Variants in NUDT1 observed in about 807,000 individuals in gnomAD.
NUDT1 encodes oxidized purine nucleoside triphosphate hydrolase.
A neutral mutation model predicts 11.3 loss-of-function variants in NUDT1; 16 were observed. That is an observed-to-expected ratio of 1.41 (90% CI 0.96 to 2.15). The LOEUF (loss-of-function observed/expected upper bound fraction) is 2.15, where lower values mean the gene tolerates loss of function less well. NUDT1 is among the 30% of genes most tolerant of loss of function. NUDT1 has a pLI of 0.00. For synonymous variants in NUDT1, 101 were observed against 84.4 expected (o/e 1.20, Z -1.08); for missense variants, 234 against 208.4 (o/e 1.12, Z -0.76).
chr7:2,246,569 A>G (rs1390044388), intron 2 of NUDT1, among the ~76,000 whole-genome samples: 2 of 152,198 alleles, frequency 1.3e-5, no homozygotes, highest in African/African-American at 4.8e-5. Flanking sequence ...CCTGCTGGTG[A>G]CAAGCAAAGC....
chr7:2,249,587 G>A (rs1433592713), intron 2 of NUDT1: 3 of 515,560 alleles, frequency 5.8e-6, no homozygotes, highest in African/African-American at 3.8e-5. Context: ...GGCTAGAACT[G>A]CGTTCCTCCC....
At chr7:2,243,044 G>C (rs776214103) in intron 1 of NUDT1, 1 of 716,864 alleles carries the variant, frequency 1.4e-6, no homozygotes, top group South Asian at 1.5e-5. Context: ...AGTTGGAGTG[G>C]GAAGGTGATT....
At chr7:2,244,452 ACCCCCCCGCC>A (rs999243695) in intron 1 of NUDT1, 101 bp from the exon 2 acceptor site, 1 of 553,140 alleles carries the variant, frequency 1.8e-6, no homozygotes, top group Non-Finnish European at 3.2e-6. Context: ...GTTACAGCAT[ACCCCCCCGCC>A]CCCCACTGCC....
At chr7:2,243,149 G>C (rs567288234) in intron 1 of NUDT1, 1 of 608,252 alleles carries the variant, frequency 1.6e-6, no homozygotes, top group African/African-American at 1.8e-5. Flanking sequence ...GCTGGTGCCT[G>C]TTGGTGTGCT....
In NUDT1 at chr7:2,246,166, A is replaced by T. The variant is rs574232249; in HGVS notation, c.152+1440A>T. Among the ~76,000 whole-genome samples, 3 of 152,292 alleles carry T rather than the reference A, an allele frequency of 2.0e-5. No homozygotes were observed. The East Asian group carries it at 5.8e-4, about 29-fold the overall frequency. On this transcript the variant is annotated intron_variant, in intron 2 of 3. Coordinates refer to ENST00000356714, the MANE Select transcript of NUDT1 (RefSeq NM_002452.4). ...CCAGCCCTTTGTCTTTGATCTGCTA[A>T]GACTGCCCATCAGCTCATGGATTTC...
intron 2 of NUDT1, among the ~76,000 whole-genome samples, chr7:2,246,851 A>C (rs942563142): frequency 2.0e-5 from 3 of 152,118 alleles, no homozygotes; most frequent in African/African-American, 7.2e-5. Context: ...ACCTGACCTC[A>C]CGGGATCCAC....
At position 2,244,836 on chromosome 7, in the gene NUDT1, A is replaced by G. The variant is rs1283471762; in HGVS notation, c.152+110A>G. 11 of 1,343,352 alleles carry G rather than the reference A, an allele frequency of 8.2e-6. No homozygotes were observed. The African/African-American group carries it at 1.5e-4, about 18-fold the overall frequency. 83.2% of individuals were successfully genotyped at this position (1,343,352 alleles called of 1,614,324 possible). A position where few individuals can be genotyped will look rare whatever the true frequency, so the allele number is the denominator to read the frequency against. On this transcript the variant is annotated intron_variant, in intron 2 of 3. Coordinates refer to ENST00000356714, the MANE Select transcript of NUDT1 (RefSeq NM_002452.4). ...CACTAAGAGCTAAGTGACCTGGAGC[A>G]GGGGGTTAAGCGTGAGCCTCAGTGT...
At chr7:2,243,084 T>A (rs1008477022) in intron 1 of NUDT1, 1 of 709,288 alleles carries the variant, frequency 1.4e-6, no homozygotes, top group Non-Finnish European at 2.6e-6. Context: ...CTGAGCAGCC[T>A]GGGCTCTCCT....
At chr7:2,244,782 G>A (rs987470918) in intron 2 of NUDT1, 56 bp downstream of exon 2, 103 of 1,561,398 alleles carry the variant, frequency 6.6e-5, no homozygotes, top group Non-Finnish European at 8.5e-5. Context: ...ACAGGGATTC[G>A]GGCTGTAGGG....
chr7:2,249,279 C>G (rs974619819), intron 2 of NUDT1: 5 of 159,384 alleles, frequency 3.1e-5, no homozygotes, highest in Admixed American at 1.2e-4. Flanking sequence ...GGAAACAGAT[C>G]ATAGAAGCCT....
At chr7:2,247,066 G>C (rs1389454137) in intron 2 of NUDT1, among the ~76,000 whole-genome samples, 1 of 152,150 alleles carries the variant, frequency 6.6e-6, no homozygotes. Flanking sequence ...CGCCCTCAGG[G>C]GATGACGTAC....
intron 2 of NUDT1, among the ~76,000 whole-genome samples, chr7:2,248,547 C>CT (rs11393832): frequency 0.09 from 11,048 of 122,376 alleles, 848 homozygotes; most frequent in African/African-American, 0.2. Context: ...ATGATGTTTG[C>CT]TTTTTTTTTT....
chr7:2,247,860 C>T (rs534790229), intron 2 of NUDT1, among the ~76,000 whole-genome samples: 5 of 152,348 alleles, frequency 3.3e-5, no homozygotes, highest in African/African-American at 4.8e-5. Flanking sequence ...GAGCAACAGC[C>T]GGCCGCCAAG....
chr7:2,250,747 C>G, intron 3 of NUDT1, 82 bp from the exon 4 acceptor site: 3 of 1,518,628 alleles, frequency 2.0e-6, no homozygotes, highest in East Asian at 2.3e-5. Context: ...CGTGAGCCAC[C>G]GCGCCCGGCC....
chr7:2,249,917 G>GT lies in NUDT1; in HGVS notation c.216dup (p.Glu73Ter), dbSNP rs1323647679. 4 of 1,614,086 alleles carry GT rather than the reference G, an allele frequency of 2.5e-6. No individual in the cohort carries two copies. On this transcript the variant is annotated frameshift_variant, in exon 3 of 4. Coordinates refer to ENST00000356714, the MANE Select transcript of NUDT1 (RefSeq NM_002452.4). LOFTEE classifies it high-confidence loss of function. The stretch of plus-strand genomic sequence containing the variant: ...CCCTGCACAAGGTGGGCCAGATCGT[G>GT]TTTGAGTTCGTGGGCGAGCCTGAGC...
chr7:2,247,754 C>T (rs1322881994), intron 2 of NUDT1, among the ~76,000 whole-genome samples: 1 of 152,236 alleles, frequency 6.6e-6, no homozygotes, highest in Admixed American at 6.5e-5. Context: ...CTCTGTCTCC[C>T]GGCGGATTCT....
chr7:2,248,345 A>T (rs965379332), intron 2 of NUDT1, among the ~76,000 whole-genome samples: 1 of 152,340 alleles, frequency 6.6e-6, no homozygotes, highest in South Asian at 2.1e-4. Flanking sequence ...GACTGAGCAC[A>T]GCAAGCAAAC....
At chr7:2,243,230 A>G (rs550212719) in intron 1 of NUDT1, among the ~76,000 whole-genome samples, 33 of 152,266 alleles carry the variant, frequency 2.2e-4, no homozygotes, top group African/African-American at 7.9e-4. Context: ...GTTTTTTTAT[A>G]GGCACAGGAC....
chr7:2,244,217 AG>A (rs1794674464), intron 1 of NUDT1, among the ~76,000 whole-genome samples: 1 of 152,180 alleles, frequency 6.6e-6, no homozygotes, highest in Non-Finnish European at 1.5e-5. Context: ...GCCTATAAGC[AG>A]GGGGTTCCTG....
Sources: allele counts gnomAD v4.1 joint callset (sites outside exome capture counted in the v4.1 genomes callset), GRCh38; gene constraint gnomAD v4.1.1; transcripts MANE v1.5; gene names NCBI Gene and HGNC (gene_info 2026-07-23, HGNC 2026-07-21).